BRWD3: variants seen among roughly 807,000 people sequenced by gnomAD.
The protein encoded by BRWD3 is bromodomain and WD repeat domain containing 3.
BRWD3 carries 10 observed loss-of-function variants against 149.7 expected under a neutral mutation model. The ratio of observed to expected loss-of-function variants is 0.07; its 90% CI spans 0.04 to 0.11. The LOEUF is 0.11. Among genes scored for constraint, BRWD3 ranks in the 10% least tolerant of loss-of-function variants. The pLI is 1.00. For synonymous variants in BRWD3, 504 were observed against 456.7 expected, an observed-to-expected ratio of 1.10 and a Z score of -1.32; for missense variants, 940 against 1,373.2, an observed-to-expected ratio of 0.68 and a Z score of 4.99.
intron 20 of BRWD3, among the ~76,000 whole-genome samples, chrX:80,711,073 A>G (rs2072958228): frequency 8.9e-6 from 1 of 111,965 alleles, no homozygotes; most frequent in Non-Finnish European, 1.9e-5. Flanking sequence ...CACATTATTC[A>G]GAATTATTAT....
intron 18 of BRWD3, 24 bp from the exon 19 acceptor site, chrX:80,717,783 A>G (rs775552302): frequency 2.5e-6 from 3 of 1,195,061 alleles, no homozygotes; most frequent in Non-Finnish European, 3.4e-6. Flanking sequence ...AAGGAAAATT[A>G]TCACTTTGTG....
chrX:80,716,196 T>C lies in BRWD3; in HGVS notation c.2286A>G (p.Thr762=). 8.3e-7 allele frequency: 1 copy of C among 1,210,200 alleles called. No homozygotes were observed. Among genetic ancestry groups the C allele is most frequent in the Non-Finnish European group, 1.1e-6 (1 of 894,343 alleles). ...AAGATGGCTTTTTCTTCTTTTCAAC[T>C]GTATAAAGACTGATTTCTATGTCAC... ...AKGDIEISLY[T]VEKKKKPSYT... Residue 762 remains threonine, a synonymous_variant, in exon 20 of 41, where the codon ACA becomes ACG. Coordinates refer to ENST00000373275, the MANE Select transcript of BRWD3 (RefSeq NM_153252.5).
At chrX:80,789,238 T>C (rs1051545212) in intron 6 of BRWD3, among the ~76,000 whole-genome samples, 1 of 112,358 alleles carries the variant, frequency 8.9e-6, no homozygotes, top group Admixed American at 9.4e-5. Flanking sequence ...ATAACTTCTC[T>C]GAGCTTTGGG....
intron 4 of BRWD3, among the ~76,000 whole-genome samples, chrX:80,796,455 G>A (rs1172629007): frequency 9.0e-6 from 1 of 111,404 alleles, no homozygotes; most frequent in Non-Finnish European, 1.9e-5. Flanking sequence ...AAGAATTCCT[G>A]GAGAAAAAAT....
intron 8 of BRWD3, among the ~76,000 whole-genome samples, chrX:80,737,281 C>T (rs2073417752): frequency 9.0e-6 from 1 of 111,452 alleles, no homozygotes; most frequent in African/African-American, 3.3e-5. Flanking sequence ...AACATATGTA[C>T]ATCCTCCTGT....
intron 6 of BRWD3, among the ~76,000 whole-genome samples, chrX:80,785,842 A>G (rs2147846792): frequency 8.9e-6 from 1 of 112,228 alleles, no homozygotes; most frequent in African/African-American, 3.2e-5. Flanking sequence ...AGCCTAGCCA[A>G]CATGGCAAAA....
intron 6 of BRWD3, among the ~76,000 whole-genome samples, chrX:80,779,167 T>C (rs1219981986): frequency 9.1e-6 from 1 of 110,259 alleles, no homozygotes; most frequent in African/African-American, 3.3e-5. Context: ...TACAAAAAAT[T>C]AGCTGGGCGT....
chrX:80,807,480 CTTTCTT>C (rs770587169), intron 4 of BRWD3, among the ~76,000 whole-genome samples: 17 of 111,992 alleles, frequency 1.5e-4, no homozygotes, highest in African/African-American at 4.9e-4. Context: ...ACACCGCCAA[CTTTCTT>C]TAACTTTGTC....
At position 80,672,291 on chromosome X, in the gene BRWD3, G is replaced by A. The variant is rs927832353; in HGVS notation, c.*4318C>T. On this transcript the variant is annotated 3_prime_UTR_variant, in exon 41 of 41. Transcript: ENST00000373275. ...GGATAAAAGTAAGCAGGATTGAAAA[G>A]ATGAAAAAAGAAATAATCAAGAATA... 1 of 107,320 alleles carries A rather than the reference G, an allele frequency of 9.3e-6. No homozygotes were observed. Among genetic ancestry groups the A allele is most frequent in the African/African-American group, 3.4e-5 (1 of 29,329 alleles). The allele number at this position is 107,320 out of a possible 1,213,427, so 8.8% of individuals were successfully genotyped here. A position where few individuals can be genotyped will look rare whatever the true frequency, so the allele number is the denominator to read the frequency against.
chrX:80,692,005 T>C, intron 29 of BRWD3, 27 bp from the exon 30 acceptor site: 1 of 1,148,818 alleles, frequency 8.7e-7, no homozygotes, highest in Non-Finnish European at 1.2e-6. Context: ...AAAAAAAAAA[T>C]TAGAAAAAAT....
intron 6 of BRWD3, among the ~76,000 whole-genome samples, chrX:80,788,390 C>T (rs939425742): frequency 3.6e-5 from 4 of 110,904 alleles, no homozygotes; most frequent in Admixed American, 9.7e-5. Context: ...AATAAAAAAA[C>T]GCAAACAACT....
Position 80,809,155 on chromosome X carries a change from C to A in BRWD3, c.90+91G>T, listed in dbSNP as rs2074383312. ...TTTGACTAGTCAAGGCCGGCCTTTC[C>A]CTCACCCTCAACGGAACTGCTCGTC... is the stretch of plus-strand genomic sequence containing the variant. On this transcript the variant is annotated intron_variant, in intron 2 of 40. Transcript: ENST00000373275. 4 of 1,142,928 alleles carry A rather than the reference C, an allele frequency of 3.5e-6. No individual in the cohort carries two copies. In the African/African-American group the frequency reaches 5.3e-5, roughly 15 times the overall value. 94.2% of individuals were successfully genotyped at this position (1,142,928 alleles called of 1,213,427 possible).
At chrX:80,749,143 A>G (rs2073632100) in intron 6 of BRWD3, among the ~76,000 whole-genome samples, 1 of 112,270 alleles carries the variant, frequency 8.9e-6, no homozygotes, top group Admixed American at 9.4e-5. Context: ...AGAATACTCC[A>G]CATGTACTTG....
intron 40 of BRWD3, among the ~76,000 whole-genome samples, chrX:80,680,802 CCTTTT>C (rs774783559): frequency 1.1e-3 from 124 of 109,396 alleles, no homozygotes; most frequent in Non-Finnish European, 2.1e-3. Flanking sequence ...TCTCCCAATT[CCTTTT>C]ATTTTATTTA....
Position 80,671,472 on chromosome X carries a change from A to C in BRWD3, c.*5137T>G, listed in dbSNP as rs2072322680. 8.9e-6 allele frequency: 1 copy of C among 112,223 alleles called. No individual in the cohort carries two copies. The highest frequency in any genetic ancestry group is 9.5e-5 in the Admixed American group (1 of 10,563). The allele number at this position is 112,223 out of a possible 1,213,427, so 9.2% of individuals were successfully genotyped here. A position where few individuals can be genotyped will look rare whatever the true frequency, so the allele number is the denominator to read the frequency against. On this transcript the variant is annotated 3_prime_UTR_variant, in exon 41 of 41. Transcript: ENST00000373275. ...TTACAATCTCTAAAGCTGAATAGGT[A>C]ACTCCATATTTCTTTCTTCTGGTTA... is the stretch of plus-strand genomic sequence containing the variant.
Position 80,673,167 on chromosome X carries a change from A to G in BRWD3, c.*3442T>C, listed in dbSNP as rs1344393019. 1 of 112,064 alleles carries G rather than the reference A, an allele frequency of 8.9e-6. No homozygotes were observed. Among genetic ancestry groups the G allele is most frequent in the South Asian group, 3.7e-4 (1 of 2,732 alleles). 9.2% of individuals were successfully genotyped at this position (112,064 alleles called of 1,213,427 possible). On this transcript the variant is annotated 3_prime_UTR_variant, in exon 41 of 41. Transcript: ENST00000373275. ...GGCTGAGTTAAATATCTGAGCGCAC[A>G]GTTGTGCAGAATGAGATTTCTAATT...
At chrX:80,679,776 G>A (rs188835928) in intron 40 of BRWD3, among the ~76,000 whole-genome samples, 153 of 108,273 alleles carry the variant, frequency 1.4e-3, no homozygotes, top group African/African-American at 4.9e-3. Context: ...GAGTACTGAT[G>A]AATGTGAGAA....
At chrX:80,744,282 T>C in intron 7 of BRWD3, 29 bp from the exon 8 acceptor site, 3 of 1,040,915 alleles carry the variant, frequency 2.9e-6, no homozygotes, top group Non-Finnish European at 3.8e-6. Flanking sequence ...AATAGGTTTA[T>C]AATGAAGCAG....
intron 8 of BRWD3, 150 bp downstream of exon 8, chrX:80,743,882 A>C: frequency 2.5e-6 from 1 of 406,822 alleles, no homozygotes; most frequent in Non-Finnish European, 4.3e-6. Flanking sequence ...AACTTAAAAA[A>C]ATATCTTGCT....
Sources: gnomAD v4.1 joint callset for allele counts (sites outside exome capture counted in the v4.1 genomes callset) on GRCh38, gnomAD v4.1.1 for gene constraint, MANE v1.5 for transcripts, NCBI Gene and HGNC (gene_info 2026-07-23, HGNC 2026-07-21) for gene names.